ITPR2: variants seen among roughly 807,000 people sequenced by gnomAD.
ITPR2 encodes inositol 1,4,5-trisphosphate receptor type 2, also known as inositol 1,4,5-trisphosphate-gated calcium channel ITPR2.
A neutral mutation model predicts 317.1 loss-of-function variants in ITPR2; 207 were observed. The observed-to-expected ratio is 0.65, with a 90% CI of 0.58 to 0.73. The LOEUF is 0.73. Ranked by LOEUF, ITPR2 falls within the 30% of genes least tolerant of loss-of-function variation. The pLI, the probability that ITPR2 is intolerant of heterozygous loss-of-function variation, is 0.00. For synonymous variants in ITPR2, 1,156 were observed against 1,149.1 expected, an observed-to-expected ratio of 1.01 and a Z score of -0.12; for missense variants, 2,613 against 3,284.0, an observed-to-expected ratio of 0.80 and a Z score of 4.99.
intron 2 of ITPR2, among the ~76,000 whole-genome samples, chr12:26,735,869 C>A (rs1002698322): frequency 3.9e-5 from 6 of 152,182 alleles, no homozygotes; most frequent in Admixed American, 6.5e-5. Flanking sequence ...TGTATATAGA[C>A]CATTACAATG....
intron 1 of ITPR2, among the ~76,000 whole-genome samples, chr12:26,817,287 G>A (rs886089591): frequency 6.6e-6 from 1 of 151,812 alleles, no homozygotes. Flanking sequence ...AAAAGCCTGC[G>A]ATAATGCTGG....
chr12:26,784,265 CCCT>C (rs1950150065), intron 2 of ITPR2, among the ~76,000 whole-genome samples: 1 of 7,268 alleles, frequency 1.4e-4, no homozygotes, highest in Admixed American at 7.1e-4. Context: ...ATCTCCCTCT[CCCT>C]CTCCCTCTCC....
At chr12:26,711,000 G>A (rs1948634239) in intron 9 of ITPR2, among the ~76,000 whole-genome samples, 173 bp downstream of exon 9, 1 of 152,138 alleles carries the variant, frequency 6.6e-6, no homozygotes, top group South Asian at 2.1e-4. Context: ...GTAATACTTT[G>A]ACTAACATTT....
At chr12:26,809,154 G>A (rs1306107733) in intron 1 of ITPR2, among the ~76,000 whole-genome samples, 1 of 152,110 alleles carries the variant, frequency 6.6e-6, no homozygotes, top group African/African-American at 2.4e-5. Flanking sequence ...TTCCTCTCTG[G>A]TTAAAAGGAA....
In ITPR2 at chr12:26,564,423, C is replaced by T. The variant is rs187855291; in HGVS notation, c.4631-2471G>A. Among the ~76,000 whole-genome samples, 125 of 152,202 alleles carry T rather than the reference C, an allele frequency of 8.2e-4. 2 individuals carry two copies. The highest frequency in any genetic ancestry group is 7.3e-3 in the Admixed American group (112 of 15,286). ...AACAGGATTAAGTAAGCATATTGGC[C>T]GTATTCTGGTAGAATTTTAGAATGC... On this transcript the variant is annotated intron_variant, in intron 34 of 56. Transcript: ENST00000381340.
rs2035441 is a variant in ITPR2, at chr12:26,788,168, C to T, written c.163+1989G>A. Among the ~76,000 whole-genome samples, 1,085 of 151,992 alleles carry T rather than the reference C, an allele frequency of 7.1e-3. 14 individuals are homozygous for T. Among genetic ancestry groups the T allele is most frequent in the African/African-American group, 0.024 (1,007 of 41,442 alleles). On this transcript the variant is annotated intron_variant, in intron 2 of 56. Coordinates refer to ENST00000381340, the MANE Select transcript of ITPR2 (RefSeq NM_002223.4). Reference sequence around the variant, plus strand: ...AACTCCCGACCTCAGGTGATCCACCCGCCTTGGCCTCCCAAAGTGCTGGGA... The same window carrying T: ...AACTCCCGACCTCAGGTGATCCACCTGCCTTGGCCTCCCAAAGTGCTGGGA...
chr12:26,824,978 T>C (rs1436282494), intron 1 of ITPR2, among the ~76,000 whole-genome samples: 1 of 152,190 alleles, frequency 6.6e-6, no homozygotes, highest in African/African-American at 2.4e-5. Flanking sequence ...ACACCTGTAA[T>C]CCCAACACTT....
intron 2 of ITPR2, among the ~76,000 whole-genome samples, chr12:26,734,795 C>T (rs997772223): frequency 9.2e-5 from 14 of 152,120 alleles, no homozygotes; most frequent in Non-Finnish European, 1.3e-4. Context: ...CTAGTTCCTC[C>T]GTAAGCAGAG....
intron 10 of ITPR2, among the ~76,000 whole-genome samples, chr12:26,691,513 G>A (rs1270557430): frequency 2.0e-5 from 3 of 151,978 alleles, no homozygotes; most frequent in African/African-American, 7.3e-5. Flanking sequence ...CTGGTCTACT[G>A]AGCTCTTAAT....
intron 26 of ITPR2, among the ~76,000 whole-genome samples, chr12:26,604,277 C>T (rs1226273195): frequency 6.6e-6 from 1 of 152,172 alleles, no homozygotes; most frequent in Admixed American, 6.5e-5. Context: ...CAAATATTGT[C>T]CTGAGGCTCC....
intron 1 of ITPR2, among the ~76,000 whole-genome samples, chr12:26,803,756 G>A (rs1950598404): frequency 6.6e-6 from 1 of 152,104 alleles, no homozygotes; most frequent in Non-Finnish European, 1.5e-5. Context: ...TTCAAAAAGA[G>A]ATGAACATGA....
At chr12:26,734,673 A>T (rs1949086394) in intron 2 of ITPR2, among the ~76,000 whole-genome samples, 3 of 151,834 alleles carry the variant, frequency 2.0e-5, no homozygotes, top group Non-Finnish European at 2.9e-5. Flanking sequence ...GCCAAGTCAC[A>T]GTTATGTAAT....
chr12:26,697,931 A>G (rs1322717076), intron 9 of ITPR2, among the ~76,000 whole-genome samples: 1 of 152,208 alleles, frequency 6.6e-6, no homozygotes, highest in Non-Finnish European at 1.5e-5. Flanking sequence ...CATTAGCACC[A>G]ACAGCACAGT....
intron 37 of ITPR2, among the ~76,000 whole-genome samples, chr12:26,520,620 G>T (rs1412101268): frequency 1.3e-5 from 2 of 152,132 alleles, no homozygotes; most frequent in Non-Finnish European, 2.9e-5. Flanking sequence ...TGATGTAGGG[G>T]TGAGATCTGC....
chr12:26,679,804 T>A (rs531030929), intron 13 of ITPR2, among the ~76,000 whole-genome samples: 75 of 152,168 alleles, frequency 4.9e-4, no homozygotes, highest in Non-Finnish European at 1.0e-3. Flanking sequence ...CACAACGGGA[T>A]CAACCTCCTC....
At chr12:26,675,344 A>G (rs1947883292) in intron 13 of ITPR2, among the ~76,000 whole-genome samples, 1 of 152,244 alleles carries the variant, frequency 6.6e-6, no homozygotes. Flanking sequence ...TGGCACATAT[A>G]CACCATGGAA....
chr12:26,467,833 AAAGATTC>A (rs1942204324), intron 45 of ITPR2, among the ~76,000 whole-genome samples: 1 of 152,168 alleles, frequency 6.6e-6, no homozygotes, highest in African/African-American at 2.4e-5. Context: ...GCCATAACCC[AAAGATTC>A]TTAGTTGCTC....
intron 34 of ITPR2, among the ~76,000 whole-genome samples, chr12:26,570,339 T>C (rs1042129350): frequency 6.6e-6 from 1 of 152,196 alleles, no homozygotes; most frequent in African/African-American, 2.4e-5. Context: ...AAAAATTGTA[T>C]GATATTGTCC....
chr12:26,632,197 T>A (rs1946770244), intron 21 of ITPR2, 138 bp from the exon 22 acceptor site: 1 of 497,974 alleles, frequency 2.0e-6, no homozygotes, highest in African/African-American at 2.0e-5. Context: ...TAAGCATTGT[T>A]TGGGCTCTTT....
Sources: gnomAD v4.1 joint callset for allele counts (sites outside exome capture counted in the v4.1 genomes callset) on GRCh38, gnomAD v4.1.1 for gene constraint, MANE v1.5 for transcripts, NCBI Gene and HGNC (gene_info 2026-07-23, HGNC 2026-07-21) for gene names.